The following DPP10 variants were observed in gnomAD, a reference collection of about 807,000 sequenced individuals.
The protein encoded by DPP10 is inactive dipeptidyl peptidase 10.
Under a neutral mutation model 120.9 loss-of-function variants are expected in DPP10, and 33 were observed. The ratio of observed to expected loss-of-function variants is 0.27; its 90% confidence interval spans 0.21 to 0.37. DPP10 has a LOEUF of 0.37. DPP10 is among the 10% of genes least tolerant of loss of function. The pLI is 1.00. For missense variants in DPP10, 816 were observed against 942.8 expected (o/e 0.87, Z 1.76); for synonymous variants, 337 against 326.1 (o/e 1.03, Z -0.36).
At chr2:114,668,724 C>A (rs1313708097) in intron 1 of DPP10, among the ~76,000 whole-genome samples, 1 of 152,120 alleles carries the variant, frequency 6.6e-6, no homozygotes, top group African/African-American at 2.4e-5. Flanking sequence ...TGGAACATGG[C>A]TTTCCTTATA....
At chr2:114,632,186 A>C (rs927985453) in intron 1 of DPP10, among the ~76,000 whole-genome samples, 2 of 152,196 alleles carry the variant, frequency 1.3e-5, no homozygotes, top group African/African-American at 4.8e-5. Context: ...GATTGTTCTG[A>C]TATTAGATAT....
intron 1 of DPP10, among the ~76,000 whole-genome samples, chr2:114,663,142 C>T (rs555047170): frequency 2.0e-4 from 31 of 151,908 alleles, no homozygotes; most frequent in African/African-American, 6.8e-4. Context: ...GAAGCTGGTA[C>T]AGGAGCCAAG....
intron 1 of DPP10, among the ~76,000 whole-genome samples, chr2:115,296,212 G>T (rs1245768145): frequency 6.6e-6 from 1 of 151,928 alleles, no homozygotes; most frequent in Non-Finnish European, 1.5e-5. Flanking sequence ...AAGTGCAGTT[G>T]GTTAAGATAA....
At chr2:114,778,877 C>T (rs912328420) in intron 1 of DPP10, among the ~76,000 whole-genome samples, 6 of 151,912 alleles carry the variant, frequency 3.9e-5, no homozygotes, top group South Asian at 2.1e-4. Context: ...TTTAATTGAC[C>T]GAAAGACAAA....
intron 1 of DPP10, among the ~76,000 whole-genome samples, chr2:115,258,479 C>CAA (rs59149975): frequency 6.0e-3 from 631 of 104,778 alleles, no homozygotes; most frequent in African/African-American, 0.014. Context: ...TCCAAGTTGG[C>CAA]AAAAAAAAAA....
At chr2:115,266,377 T>G (rs2059463037) in intron 1 of DPP10, among the ~76,000 whole-genome samples, 1 of 152,164 alleles carries the variant, frequency 6.6e-6, no homozygotes, top group African/African-American at 2.4e-5. Flanking sequence ...TGCTATTGTA[T>G]TTTTTATGTT....
chr2:114,580,116 G>A (rs1690377981), intron 1 of DPP10, among the ~76,000 whole-genome samples: 1 of 152,166 alleles, frequency 6.6e-6, no homozygotes, highest in South Asian at 2.1e-4. Flanking sequence ...AACACTTTCT[G>A]TGATGACATA....
intron 1 of DPP10, among the ~76,000 whole-genome samples, chr2:114,721,487 A>C (rs1701703721): frequency 6.6e-6 from 1 of 152,248 alleles, no homozygotes; most frequent in Non-Finnish European, 1.5e-5. Context: ...CAAAAGCACA[A>C]TTTTGAGAGT....
chr2:115,695,345 C>T (rs2091526361), intron 7 of DPP10, among the ~76,000 whole-genome samples: 1 of 152,084 alleles, frequency 6.6e-6, no homozygotes, highest in South Asian at 2.1e-4. Flanking sequence ...ATGTATTAGT[C>T]CGTTCTCATG....
intron 1 of DPP10, among the ~76,000 whole-genome samples, chr2:114,692,031 C>T (rs1309287715): frequency 1.3e-5 from 2 of 151,882 alleles, no homozygotes; most frequent in Non-Finnish European, 2.9e-5. Context: ...TCTCCAAAAA[C>T]CAGCTCCTGG....
chr2:115,844,756 A>G lies in DPP10; in HGVS notation c.*2411A>G, dbSNP rs956862107. 1 of 152,220 alleles carries G rather than the reference A, an allele frequency of 6.6e-6. No homozygotes were observed. Among genetic ancestry groups the G allele is most frequent in the Non-Finnish European group, 1.5e-5 (1 of 68,036 alleles). 9.4% of individuals were successfully genotyped at this position (152,220 alleles called of 1,614,324 possible). On this transcript the variant is annotated 3_prime_UTR_variant, in exon 26 of 26. Transcript: ENST00000410059. ...TATTATTCCCTTAATGTTAAAGAAA[A>G]AAATCAATATATTGAATTCTTTAAT...
intron 1 of DPP10, among the ~76,000 whole-genome samples, chr2:115,014,747 TG>T (rs1475200758): frequency 6.6e-6 from 1 of 150,946 alleles, no homozygotes; most frequent in Non-Finnish European, 1.5e-5. Context: ...CTAGAAGAAA[TG>T]GATAAATTCC....
intron 1 of DPP10, among the ~76,000 whole-genome samples, chr2:115,290,470 A>G (rs1441730228): frequency 6.6e-6 from 1 of 152,176 alleles, no homozygotes; most frequent in Non-Finnish European, 1.5e-5. Context: ...ATCTAACACT[A>G]GGAACATGGC....
intron 3 of DPP10, among the ~76,000 whole-genome samples, chr2:115,404,072 T>C (rs1039026688): frequency 3.9e-5 from 6 of 152,224 alleles, no homozygotes; most frequent in Non-Finnish European, 8.8e-5. Flanking sequence ...CCCACATTGC[T>C]ATAAAAATAT....
chr2:115,752,301 G>A (rs1678842226), intron 10 of DPP10, among the ~76,000 whole-genome samples: 2 of 152,150 alleles, frequency 1.3e-5, no homozygotes, highest in African/African-American at 4.8e-5. Flanking sequence ...ATCATAAATG[G>A]ATGAGTATTG....
chr2:115,335,047 C>T (rs1056601943), intron 2 of DPP10, among the ~76,000 whole-genome samples: 43 of 151,756 alleles, frequency 2.8e-4, no homozygotes, highest in African/African-American at 1.0e-3. Flanking sequence ...GGGGAGGCTT[C>T]ACAATCATGG....
intron 5 of DPP10, among the ~76,000 whole-genome samples, chr2:115,657,777 C>T (rs1446451309): frequency 1.3e-5 from 2 of 151,792 alleles, no homozygotes; most frequent in African/African-American, 2.4e-5. Flanking sequence ...ATGCTATCTG[C>T]TTATGTTCTT....
chr2:115,646,108 G>A (rs200525241), intron 5 of DPP10, among the ~76,000 whole-genome samples: 125 of 150,686 alleles, frequency 8.3e-4, no homozygotes, highest in Middle Eastern at 3.5e-3. Context: ...GTGCGTGCGC[G>A]CACACACACA....
chr2:114,664,458 GTC>G (rs1438317425), intron 1 of DPP10, among the ~76,000 whole-genome samples: 2 of 151,554 alleles, frequency 1.3e-5, no homozygotes, highest in Non-Finnish European at 2.9e-5. Context: ...GTGAAACCCC[GTC>G]TCTACTAAAA....
Sources: gnomAD v4.1 joint callset for allele counts (sites outside exome capture counted in the v4.1 genomes callset) on GRCh38, gnomAD v4.1.1 for gene constraint, MANE v1.5 for transcripts, NCBI Gene and HGNC (gene_info 2026-07-23, HGNC 2026-07-21) for gene names.